DHX8: variants seen among roughly 807,000 people sequenced by gnomAD.
DHX8 encodes DEAH-box helicase 8, also known as ATP-dependent RNA helicase DHX8.
Under a neutral mutation model 140.7 loss-of-function variants are expected in DHX8, and 67 were observed. The observed-to-expected ratio is 0.48, with a 90% CI of 0.39 to 0.58. DHX8 has a LOEUF of 0.58. Among genes scored for constraint, DHX8 ranks in the 20% least tolerant of loss-of-function variants. The pLI, the probability that DHX8 is intolerant of heterozygous loss-of-function variation, is 0.00. For missense variants in DHX8, 887 were observed against 1,550.7 expected, an observed-to-expected ratio of 0.57 and a Z score of 7.19; for synonymous variants, 533 against 553.2, an observed-to-expected ratio of 0.96 and a Z score of 0.51.
At chr17:43,489,589 G>T in intron 2 of DHX8, 55 bp downstream of exon 2, 2 of 1,302,796 alleles carry the variant, frequency 1.5e-6, no homozygotes, top group Non-Finnish European at 1.1e-6. Flanking sequence ...ATTTATGTTT[G>T]TTTGTTTGTT....
At chr17:43,541,741 G>A (rs954659192) in intron 3 of DHX8, among the ~76,000 whole-genome samples, 1 of 152,142 alleles carries the variant, frequency 6.6e-6, no homozygotes, top group African/African-American at 2.4e-5. Context: ...TGTCACCGCT[G>A]TCCCTTACCC....
chr17:43,526,524 G>A (rs1276283195), downstream of DHX8: 2 of 1,535,686 alleles, frequency 1.3e-6, no homozygotes, highest in East Asian at 2.4e-5. Context: ...TGTGGTTGCT[G>A]TAGCTGTCTC....
At chr17:43,541,456 G>A (rs1296466982) in intron 3 of DHX8, among the ~76,000 whole-genome samples, 3 of 152,180 alleles carry the variant, frequency 2.0e-5, no homozygotes, top group Non-Finnish European at 4.4e-5. Flanking sequence ...TGATTAAGGA[G>A]GGGGTGGGAA....
At position 43,513,460 on chromosome 17, in the gene DHX8, C is replaced by G. The variant is rs780875409; in HGVS notation, c.2601C>G (p.Ser867=). ...TCGTGAAACAGAAAGTTTACAATTCCAAGACAGGGATTGACCAGCTCGTGG... is the reference window on the plus strand; with the variant it reads ...TCGTGAAACAGAAAGTTTACAATTCGAAGACAGGGATTGACCAGCTCGTGG... ...PGFVKQKVYN[S]KTGIDQLVVT... Residue 867 remains serine, a synonymous_variant, in exon 17 of 23, where the codon TCC becomes TCG. Coordinates refer to ENST00000262415, the MANE Select transcript of DHX8 (RefSeq NM_004941.3). 27 of 1,613,822 alleles carry G rather than the reference C, an allele frequency of 1.7e-5. No homozygotes were observed. Among genetic ancestry groups the G allele is most frequent in the Non-Finnish European group, 2.1e-5 (25 of 1,179,948 alleles).
At chr17:43,517,475 C>T in intron 18 of DHX8, 153 bp downstream of exon 18, 1 of 871,962 alleles carries the variant, frequency 1.1e-6, no homozygotes, top group Non-Finnish European at 1.7e-6. Flanking sequence ...TGATAACAGC[C>T]TCTCACGGCA....
At chr17:43,526,324 A>C, downstream of DHX8, 1 of 1,427,910 alleles carries the variant, frequency 7.0e-7, no homozygotes, top group Non-Finnish European at 9.2e-7. Flanking sequence ...CCCCGCGAGA[A>C]CCAAGCTCAG....
chr17:43,499,775 C>T (rs991014929), intron 10 of DHX8, among the ~76,000 whole-genome samples, 181 bp from the exon 11 acceptor site: 3 of 152,156 alleles, frequency 2.0e-5, no homozygotes, highest in Non-Finnish European at 4.4e-5. Context: ...AATGATGTAA[C>T]ATTGTCCTTG....
chr17:43,510,523 A>G (rs9908030), intron 16 of DHX8, among the ~76,000 whole-genome samples: 34,126 of 152,114 alleles, frequency 0.22, 4,096 homozygotes, highest in East Asian at 0.32. Context: ...TTATCTCTAG[A>G]TTACCTATAA....
At chr17:43,486,809 G>A (rs1406744954) in intron 1 of DHX8, among the ~76,000 whole-genome samples, 1 of 151,638 alleles carries the variant, frequency 6.6e-6, no homozygotes, top group African/African-American at 2.4e-5. Flanking sequence ...ACCTGGGATG[G>A]GGAGGTTGCA....
At chr17:43,519,172 C>T (rs1598173686) in intron 18 of DHX8, 1 of 152,184 alleles carries the variant, frequency 6.6e-6, no homozygotes, top group Non-Finnish European at 1.5e-5. Flanking sequence ...TATTAAGGAA[C>T]CACCAAACTT....
intron 11 of DHX8, 65 bp from the exon 12 acceptor site, chr17:43,504,579 T>A: frequency 6.6e-7 from 1 of 1,508,416 alleles, no homozygotes; most frequent in Non-Finnish European, 8.9e-7. Flanking sequence ...TGCCATTTTA[T>A]TTTTTTCCTG....
chr17:43,525,974 G>A, downstream of DHX8: 2 of 985,414 alleles, frequency 2.0e-6, no homozygotes, highest in Non-Finnish European at 2.4e-6. Context: ...GGCTCAGGTG[G>A]AGGAAAAAGA....
At chr17:43,541,658 G>T (rs1450040197) in intron 3 of DHX8, among the ~76,000 whole-genome samples, 2 of 152,042 alleles carry the variant, frequency 1.3e-5, no homozygotes, top group Admixed American at 1.3e-4. Flanking sequence ...ACATATGCTC[G>T]GTCACCCTCT....
In DHX8 at chr17:43,499,987, T is replaced by C; in HGVS notation, c.1430T>C (p.Met477Thr). 1.2e-6 allele frequency: 2 copies of C among 1,614,118 alleles called. No individual in the cohort carries two copies. Among genetic ancestry groups the C allele is most frequent in the Non-Finnish European group, 1.7e-6 (2 of 1,180,004 alleles). ...GACGGCTCCCTCTCCCAAGCAGCAA[T>C]GATGCAGAGTGCCTTGGCCAAAGAA... ...NPDGSLSQAA[M>T]MQSALAKERR... Residue 477 changes from methionine (M) to threonine (T), a missense_variant, in exon 11 of 23, where the codon ATG (methionine) becomes ACG (threonine). By Grantham distance (81) the Met-to-Thr change is moderately conservative (BLOSUM62 -1). Transcript: ENST00000262415.
chr17:43,510,514 T>C (rs1969762902), intron 16 of DHX8, among the ~76,000 whole-genome samples: 1 of 152,260 alleles, frequency 6.6e-6, no homozygotes, highest in African/African-American at 2.4e-5. Context: ...TGTGATACTT[T>C]ATCTCTAGAT....
At chr17:43,494,647 G>T (rs998671545) in intron 8 of DHX8, among the ~76,000 whole-genome samples, 1 of 149,636 alleles carries the variant, frequency 6.7e-6, no homozygotes, top group Non-Finnish European at 1.5e-5. Context: ...CTTGAACCCG[G>T]GAGGCGGAGG....
In DHX8 at chr17:43,498,927, A is replaced by C; in HGVS notation, c.1366A>C (p.Ser456Arg). 6.3e-7 allele frequency: 1 copy of C among 1,587,314 alleles called. No individual in the cohort carries two copies. The highest frequency in any genetic ancestry group is 8.5e-7 in the Non-Finnish European group (1 of 1,171,982). Reference sequence around the variant, plus strand: ...ATTCCTGAGAGGGCACACTAAGCAAAGCATGGACATGAGCCCCATTAAAAT... The same window carrying C: ...ATTCCTGAGAGGGCACACTAAGCAACGCATGGACATGAGCCCCATTAAAAT... ...PPFLRGHTKQ[S>R]MDMSPIKIVK... is the part of the protein sequence containing the mutation. The change falls in exon 10 of 23, where the codon AGC (serine) becomes CGC (arginine). Residue 456 changes from serine to arginine, a missense_variant. Coordinates refer to ENST00000262415, the MANE Select transcript of DHX8 (RefSeq NM_004941.3).
chr17:43,484,249 GAAGGAGA>G, intron 1 of DHX8, 64 bp downstream of exon 1: 4 of 471,912 alleles, frequency 8.5e-6, no homozygotes, highest in Non-Finnish European at 9.7e-6. Context: ...GAGGAAGGAG[GAAGGAGA>G]AAGGTGGTTG....
At chr17:43,489,725 G>A (rs1044838015) in intron 2 of DHX8, among the ~76,000 whole-genome samples, 191 bp downstream of exon 2, 4 of 151,624 alleles carry the variant, frequency 2.6e-5, no homozygotes, top group African/African-American at 9.8e-5. Context: ...CAAGTAGCTG[G>A]GACTACAGGT....
Sources: gnomAD v4.1 joint callset for allele counts (sites outside exome capture counted in the v4.1 genomes callset) on GRCh38, gnomAD v4.1.1 for gene constraint, MANE v1.5 for transcripts, NCBI Gene and HGNC (gene_info 2026-07-23, HGNC 2026-07-21) for gene names.